ANTXR1: variants seen among roughly 807,000 people sequenced by gnomAD.
The protein encoded by ANTXR1 is anthrax toxin receptor 1.
Under a neutral mutation model 78.1 loss-of-function variants are expected in ANTXR1, and 19 were observed. The ratio of observed to expected loss-of-function variants is 0.24; its 90% confidence interval spans 0.17 to 0.36. ANTXR1 has a LOEUF of 0.36. ANTXR1 is among the 10% of genes least tolerant of loss of function. The pLI is 1.00. For synonymous variants in ANTXR1, 273 were observed against 260.5 expected (o/e 1.05, Z -0.46); for missense variants, 518 against 718.6 (o/e 0.72, Z 3.19).
intron 14 of ANTXR1, among the ~76,000 whole-genome samples, chr2:69,176,097 A>G (rs1674114291): frequency 2.0e-5 from 3 of 150,288 alleles, no homozygotes; most frequent in Admixed American, 2.0e-4. Context: ...ACACACATAC[A>G]CACACACACA....
At chr2:69,205,808 GTC>G (rs1456910576) in intron 17 of ANTXR1, among the ~76,000 whole-genome samples, 5 of 152,128 alleles carry the variant, frequency 3.3e-5, no homozygotes, top group Non-Finnish European at 7.4e-5. Context: ...CTAGGGACAT[GTC>G]CAGATAAAAT....
At chr2:69,175,284 C>T (rs1370790434) in intron 14 of ANTXR1, among the ~76,000 whole-genome samples, 2 of 152,182 alleles carry the variant, frequency 1.3e-5, no homozygotes, top group Non-Finnish European at 2.9e-5. Context: ...TTTCATGCTC[C>T]CATGTCACCA....
chr2:69,232,518 T>C (rs1457397541), intron 17 of ANTXR1, among the ~76,000 whole-genome samples: 1 of 142,946 alleles, frequency 7.0e-6, no homozygotes, highest in Non-Finnish European at 1.5e-5. Flanking sequence ...AAAAAAGCAC[T>C]TTGAAGTTTT....
At chr2:69,115,008 T>A (rs536734750) in intron 10 of ANTXR1, among the ~76,000 whole-genome samples, 1 of 152,300 alleles carries the variant, frequency 6.6e-6, no homozygotes, top group Non-Finnish European at 1.5e-5. Context: ...TACGCCAGGT[T>A]TTCTAACCTC....
intron 12 of ANTXR1, among the ~76,000 whole-genome samples, chr2:69,151,405 G>A (rs914162052): frequency 3.9e-5 from 6 of 152,028 alleles, no homozygotes; most frequent in Admixed American, 6.6e-5. Flanking sequence ...ACTTAGACCC[G>A]TGTTCCTAAG....
At chr2:69,163,722 G>C (rs905467162) in intron 13 of ANTXR1, among the ~76,000 whole-genome samples, 8 of 152,152 alleles carry the variant, frequency 5.3e-5, no homozygotes, top group African/African-American at 1.7e-4. Flanking sequence ...CTTGCACAAG[G>C]ACACACCTAA....
At chr2:69,172,518 C>T in intron 14 of ANTXR1, 3 of 1,432,992 alleles carry the variant, frequency 2.1e-6, no homozygotes, top group Non-Finnish European at 2.7e-6. Flanking sequence ...GTATTCAAAT[C>T]CCAGTGTCTA....
At chr2:69,098,063 G>A (rs1381141438) in intron 9 of ANTXR1, among the ~76,000 whole-genome samples, 1 of 152,188 alleles carries the variant, frequency 6.6e-6, no homozygotes. Context: ...CCAGAGAGCA[G>A]ACCAGTGGTT....
intron 12 of ANTXR1, among the ~76,000 whole-genome samples, chr2:69,146,752 T>C (rs1211624843): frequency 6.6e-6 from 1 of 152,208 alleles, no homozygotes; most frequent in Non-Finnish European, 1.5e-5. Flanking sequence ...CCCTGCCAGC[T>C]CTCATCTGAG....
rs112952653 is a variant in ANTXR1 at position 69,219,253 on chromosome 2, G to A, written c.1434+25838G>A. Among the ~76,000 whole-genome samples, 415 of 152,176 alleles carry A rather than the reference G, an allele frequency of 2.7e-3. 5 individuals are homozygous for A. The highest frequency in any genetic ancestry group is 4.7e-3 in the Non-Finnish European group (318 of 68,004). ...GCAAAATGGGCTGTAGGCCCTTGCC[G>A]TGACTGTAAAGGCTTCTGTGTGCGT... On this transcript the variant is annotated intron_variant, in intron 17 of 17. Transcript: ENST00000303714.
At chr2:69,209,328 T>A (rs1159875985) in intron 17 of ANTXR1, among the ~76,000 whole-genome samples, 1 of 152,356 alleles carries the variant, frequency 6.6e-6, no homozygotes, top group African/African-American at 2.4e-5. Flanking sequence ...CTAATATATT[T>A]ATTCTGACCC....
chr2:69,187,279 T>C (rs1428770482), intron 16 of ANTXR1, among the ~76,000 whole-genome samples: 1 of 152,188 alleles, frequency 6.6e-6, no homozygotes, highest in Non-Finnish European at 1.5e-5. Flanking sequence ...AAATTTTCCC[T>C]GATATTTAGC....
At chr2:69,129,506 C>T (rs936982996) in intron 12 of ANTXR1, among the ~76,000 whole-genome samples, 1 of 152,172 alleles carries the variant, frequency 6.6e-6, no homozygotes, top group African/African-American at 2.4e-5. Flanking sequence ...GTAATCCCAG[C>T]ACTTTCAGAG....
intron 13 of ANTXR1, among the ~76,000 whole-genome samples, chr2:69,158,005 C>T (rs1673574184): frequency 6.6e-6 from 1 of 152,294 alleles, no homozygotes; most frequent in African/African-American, 2.4e-5. Context: ...TTACCTTCCC[C>T]TCCTGTGCAG....
intron 17 of ANTXR1, among the ~76,000 whole-genome samples, chr2:69,236,048 G>A (rs1009885796): frequency 1.5e-4 from 23 of 152,140 alleles, no homozygotes; most frequent in African/African-American, 5.1e-4. Flanking sequence ...TCACTATCAT[G>A]AGAACAGCAT....
intron 9 of ANTXR1, among the ~76,000 whole-genome samples, chr2:69,098,880 G>A (rs565803974): frequency 1.4e-4 from 22 of 152,262 alleles, no homozygotes; most frequent in South Asian, 4.2e-4. Context: ...CAGCTACTCC[G>A]GAGGCTGAGG....
At chr2:69,077,747 C>T (rs531713522) in intron 8 of ANTXR1, among the ~76,000 whole-genome samples, 12 of 152,322 alleles carry the variant, frequency 7.9e-5, no homozygotes, top group Non-Finnish European at 1.3e-4. Context: ...TCAGGAGGCC[C>T]TCTCCGTTCT....
At chr2:69,072,720 A>G (rs1447469258) in intron 5 of ANTXR1, among the ~76,000 whole-genome samples, 1 of 152,248 alleles carries the variant, frequency 6.6e-6, no homozygotes, top group Non-Finnish European at 1.5e-5. Flanking sequence ...ATAGAAAATA[A>G]TCACACTTGA....
chr2:69,098,497 C>G (rs1671501825), intron 9 of ANTXR1, among the ~76,000 whole-genome samples: 1 of 152,140 alleles, frequency 6.6e-6, no homozygotes, highest in Non-Finnish European at 1.5e-5. Flanking sequence ...TTTTCAGACA[C>G]AGTGAATGAC....
Sources: allele counts gnomAD v4.1 joint callset (sites outside exome capture counted in the v4.1 genomes callset), GRCh38; gene constraint gnomAD v4.1.1; transcripts MANE v1.5; gene names NCBI Gene and HGNC (gene_info 2026-07-23, HGNC 2026-07-21).